VPS13B: variants seen among roughly 807,000 people sequenced by gnomAD.
VPS13B encodes the protein vacuolar protein sorting 13 homolog B, also known as intermembrane lipid transfer protein VPS13B.
VPS13B carries 285 observed loss-of-function variants against 426.4 expected under a neutral mutation model. The observed-to-expected ratio is 0.67, with a 90% CI of 0.61 to 0.74. The LOEUF (loss-of-function observed/expected upper bound fraction) is 0.74. Among genes scored for constraint, VPS13B ranks in the 30% least tolerant of loss-of-function variants. The probability of loss-of-function intolerance (pLI) is 0.00; values close to 1 mark genes in which losing one functional copy is unlikely to be tolerated. For missense variants in VPS13B, 4,537 were observed against 4,782.6 expected (o/e 0.95, Z 1.51); for synonymous variants, 1,676 against 1,676.4 (o/e 1.00, Z 0.01).
At chr8:99,671,609 C>G (rs750248123) in intron 35 of VPS13B, among the ~76,000 whole-genome samples, 7 of 152,082 alleles carry the variant, frequency 4.6e-5, no homozygotes, top group African/African-American at 1.7e-4. Flanking sequence ...TTTGGTCTTA[C>G]TACATTTAAG....
intron 40 of VPS13B, among the ~76,000 whole-genome samples, chr8:99,773,346 A>G (rs1028993919): frequency 7.4e-4 from 112 of 152,256 alleles, no homozygotes; most frequent in African/African-American, 2.6e-3. Flanking sequence ...CTTAATCTCT[A>G]TGCTATATTA....
intron 25 of VPS13B, 108 bp downstream of exon 25, chr8:99,481,910 A>G (rs1820058734): frequency 1.5e-6 from 2 of 1,310,268 alleles, no homozygotes; most frequent in East Asian, 2.5e-5. Flanking sequence ...AAACTGATAG[A>G]TTCTGAAGGT....
At chr8:99,872,561 A>G (rs1204006800) in intron 61 of VPS13B, among the ~76,000 whole-genome samples, 1 of 152,204 alleles carries the variant, frequency 6.6e-6, no homozygotes, top group African/African-American at 2.4e-5. Flanking sequence ...CCAGGGTAAA[A>G]ACAGGTGCAC....
intron 19 of VPS13B, among the ~76,000 whole-genome samples, chr8:99,343,748 A>C (rs1240552717): frequency 2.0e-5 from 3 of 152,238 alleles, no homozygotes; most frequent in Admixed American, 1.3e-4. Context: ...CCAGGCAATG[A>C]AATGTCTTTT....
chr8:99,193,453 T>C (rs1813716736), intron 17 of VPS13B, among the ~76,000 whole-genome samples: 1 of 151,832 alleles, frequency 6.6e-6, no homozygotes, highest in African/African-American at 2.4e-5. Context: ...AAACAATTTT[T>C]GTGTGTGTGT....
At chr8:99,522,353 A>G (rs368131620) in intron 30 of VPS13B, among the ~76,000 whole-genome samples, 1 of 152,174 alleles carries the variant, frequency 6.6e-6, no homozygotes, top group South Asian at 2.1e-4. Flanking sequence ...TCCTATCACC[A>G]TCAGTAAAGT....
intron 19 of VPS13B, among the ~76,000 whole-genome samples, chr8:99,367,108 C>T (rs908437370): frequency 3.3e-5 from 5 of 152,148 alleles, no homozygotes; most frequent in African/African-American, 1.2e-4. Context: ...TTTGTACCTT[C>T]AGATGTTTTC....
chr8:99,129,059 A>G, intron 8 of VPS13B, among the ~76,000 whole-genome samples: 1 of 152,148 alleles, frequency 6.6e-6, no homozygotes, highest in East Asian at 1.9e-4. Flanking sequence ...AAGTTGAAAA[A>G]TATAGAGAAT....
intron 33 of VPS13B, among the ~76,000 whole-genome samples, chr8:99,603,846 T>C (rs1827439448): frequency 6.6e-6 from 1 of 152,248 alleles, no homozygotes; most frequent in Non-Finnish European, 1.5e-5. Flanking sequence ...TTTTTTCCTC[T>C]GTGAACTAAG....
rs768827248 is a variant in VPS13B at position 99,778,909 on chromosome 8, G to A, written c.7657G>A (p.Ala2553Thr). The change falls in exon 42 of 62, where the codon GCA (alanine) becomes ACA (threonine). Residue 2553 changes from alanine (A) to threonine (T), a missense_variant. Coordinates refer to ENST00000357162, the MANE Select transcript of VPS13B (RefSeq NM_152564.5). ...ACCCTTCAGCATCTTCGGGCAGATG[G>A]CAGTTTCCAGCGATGTAGTGGAAAA... ...VKPFSIFGQM[A>T]VSSDVVEKLL... 1 of 1,613,974 alleles carries A rather than the reference G, an allele frequency of 6.2e-7. No homozygotes were observed. Among genetic ancestry groups the A allele is most frequent in the Admixed American group, 1.7e-5 (1 of 59,990 alleles).
At chr8:99,028,521 G>A (rs1235952847) in intron 2 of VPS13B, among the ~76,000 whole-genome samples, 2 of 27,348 alleles carry the variant, frequency 7.3e-5, no homozygotes, top group Non-Finnish European at 1.7e-4. Flanking sequence ...GCGGGGGGCT[G>A]ACCCCCCCCC....
At chr8:99,202,258 T>C (rs748691987) in intron 17 of VPS13B, among the ~76,000 whole-genome samples, 15 of 152,166 alleles carry the variant, frequency 9.9e-5, no homozygotes, top group Non-Finnish European at 1.5e-4. Context: ...ATTCAAGACA[T>C]TGGTTAGGTC....
intron 34 of VPS13B, among the ~76,000 whole-genome samples, chr8:99,660,555 C>T (rs1184999108): frequency 1.3e-5 from 2 of 151,934 alleles, no homozygotes; most frequent in Non-Finnish European, 2.9e-5. Context: ...TTTTTTAAAG[C>T]CTACTACACT....
chr8:99,822,686 C>T (rs1814444567), intron 50 of VPS13B, among the ~76,000 whole-genome samples: 1 of 152,176 alleles, frequency 6.6e-6, no homozygotes, highest in African/African-American at 2.4e-5. Flanking sequence ...CCTCTTTATA[C>T]TCTTTTTAGT....
At chr8:99,242,571 T>C (rs576791630) in intron 17 of VPS13B, among the ~76,000 whole-genome samples, 2 of 152,310 alleles carry the variant, frequency 1.3e-5, no homozygotes, top group South Asian at 4.2e-4. Flanking sequence ...ATTTTAATGG[T>C]AATGTAAAAA....
At chr8:99,357,895 T>C (rs1812265697) in intron 19 of VPS13B, among the ~76,000 whole-genome samples, 1 of 152,110 alleles carries the variant, frequency 6.6e-6, no homozygotes, top group African/African-American at 2.4e-5. Context: ...GGCGCAGAAG[T>C]CAGATAGACT....
At chr8:99,667,819 C>T (rs1788154) in intron 35 of VPS13B, among the ~76,000 whole-genome samples, 20,743 of 152,080 alleles carry the variant, frequency 0.14, 1,966 homozygotes, top group East Asian at 0.39. Flanking sequence ...TTTTACCATA[C>T]GAATGTATTA....
intron 33 of VPS13B, among the ~76,000 whole-genome samples, chr8:99,582,781 G>C (rs1384574658): frequency 1.3e-5 from 2 of 151,830 alleles, no homozygotes; most frequent in Admixed American, 6.6e-5. Context: ...TCAGCCTCCC[G>C]AGTAGCTGGG....
At chr8:99,797,382 A>G (rs75710756) in intron 43 of VPS13B, among the ~76,000 whole-genome samples, 6,969 of 152,094 alleles carry the variant, frequency 0.046, 175 homozygotes, top group African/African-American at 0.061. Flanking sequence ...TGGGATTACA[A>G]GAGTGAACCA....
Sources: gnomAD v4.1 joint callset for allele counts (sites outside exome capture counted in the v4.1 genomes callset) on GRCh38, gnomAD v4.1.1 for gene constraint, MANE v1.5 for transcripts, NCBI Gene and HGNC (gene_info 2026-07-23, HGNC 2026-07-21) for gene names.